The following HMGB3 variants were observed in gnomAD, a reference collection of about 807,000 sequenced individuals.
HMGB3 encodes the protein high mobility group protein B3.
A neutral mutation model predicts 12.9 loss-of-function variants in HMGB3; 1 was observed. The observed-to-expected ratio is 0.08, with a 90% CI of 0.03 to 0.37. The LOEUF is 0.37. Among genes scored for constraint, HMGB3 ranks in the 10% least tolerant of loss-of-function variants. The pLI is 0.99. For synonymous variants in HMGB3, 61 were observed against 53.9 expected (o/e 1.13, Z -0.57); for missense variants, 74 against 153.3 (o/e 0.48, Z 2.73).
At chrX:150,986,677 C>T (rs2048056459) in intron 3 of HMGB3, among the ~76,000 whole-genome samples, 1 of 111,555 alleles carries the variant, frequency 9.0e-6, no homozygotes, top group African/African-American at 3.3e-5. Flanking sequence ...GATGGAGTTT[C>T]GCTCTTGACC....
At position 150,987,232 on chromosome X, in the gene HMGB3, A is replaced by G; in HGVS notation, c.395A>G (p.Asn132Ser). 1 of 1,210,259 alleles carries G rather than the reference A, an allele frequency of 8.3e-7. No individual in the cohort carries two copies. The highest frequency in any genetic ancestry group is 1.1e-6 in the Non-Finnish European group (1 of 894,021). The change falls in exon 4 of 5, where the codon AAT (asparagine) becomes AGT (serine). Residue 132 changes from asparagine (N) to serine (S), a missense_variant. Transcript: ENST00000325307. ...DVAKKLGEMW[N>S]NLNDSEKQPY... ...GCAAAAAAGCTGGGTGAGATGTGGA[A>G]TAATTTAAATGACAGTGAAAAGCAG...
intron 2 of HMGB3, 132 bp downstream of exon 2, chrX:150,985,881 C>A: frequency 1.2e-6 from 1 of 844,457 alleles, no homozygotes; most frequent in Non-Finnish European, 1.7e-6. Flanking sequence ...TTTTGCTTGT[C>A]TTAAGAATTT....
rs925292465 is a variant in HMGB3 at position 150,989,840 on chromosome X, T to A, written c.*1926T>A. 8.9e-6 allele frequency: 1 copy of A among 111,962 alleles called. No homozygotes were observed. Among genetic ancestry groups the A allele is most frequent in the Non-Finnish European group, 1.9e-5 (1 of 53,266 alleles). 9.2% of individuals were successfully genotyped at this position (111,962 alleles called of 1,213,427 possible). On this transcript the variant is annotated 3_prime_UTR_variant, in exon 5 of 5. Transcript: ENST00000325307. ...ACTTGCATGTCTGGAGGCGGTGTCC[T>A]CTCCGCCCTGTCGGGTCCTGGATGA... is the stretch of plus-strand genomic sequence containing the variant.
chrX:150,984,617 A>T (rs2124445180), intron 1 of HMGB3: 1 of 733,190 alleles, frequency 1.4e-6, no homozygotes, highest in Non-Finnish European at 1.6e-6. Context: ...GCTTTTGACA[A>T]AATGGAAGGT....
At position 150,988,094 on chromosome X, in the gene HMGB3, A is replaced by G; in HGVS notation, c.*180A>G. 1.9e-6 allele frequency: 1 copy of G among 539,066 alleles called. No homozygotes were observed. Among genetic ancestry groups the G allele is most frequent in the East Asian group, 3.4e-5 (1 of 29,707 alleles). 44.4% of individuals were successfully genotyped at this position (539,066 alleles called of 1,213,427 possible). ...TGTCAGTGGTTTACATGAAGTGGCC[A>G]TGGGTGTCTGGAGCACCCTGAAACT... On this transcript the variant is annotated 3_prime_UTR_variant, in exon 5 of 5. Transcript: ENST00000325307.
intron 1 of HMGB3, 101 bp downstream of exon 1, chrX:150,983,477 C>T (rs1557425143): frequency 1.3e-6 from 1 of 747,312 alleles, no homozygotes; most frequent in East Asian, 1.5e-4. Context: ...CTTTCCGGCC[C>T]GCGCCGCCGT....
At position 150,988,592 on chromosome X, in the gene HMGB3, T is replaced by C. The variant is rs1557425317; in HGVS notation, c.*678T>C. The stretch of plus-strand genomic sequence containing the variant: ...TAAGTGCGGTAGTTTTTAAACTGTT[T>C]GTTTTTAAACAAACTATAGAACTCT... On this transcript the variant is annotated 3_prime_UTR_variant, in exon 5 of 5. Coordinates refer to ENST00000325307, the MANE Select transcript of HMGB3 (RefSeq NM_005342.4). The C allele has an allele frequency of 8.9e-6, 1 of 111,916 alleles. No individual in the cohort carries two copies. The highest frequency in any genetic ancestry group is 3.3e-5 in the African/African-American group (1 of 30,656). The allele number at this position is 111,916 out of a possible 1,213,427, so 9.2% of individuals were successfully genotyped here. A position where few individuals can be genotyped will look rare whatever the true frequency, so the allele number is the denominator to read the frequency against.
upstream of HMGB3, among the ~76,000 whole-genome samples, chrX:150,981,005 G>A (rs1370020993): frequency 8.9e-6 from 1 of 111,804 alleles, no homozygotes; most frequent in African/African-American, 3.3e-5. Flanking sequence ...GAAAGGCCTG[G>A]CAACCTTGAG....
At position 150,987,843 on chromosome X, in the gene HMGB3, A is replaced by G; in HGVS notation, c.532A>G (p.Lys178Glu). The G allele has an allele frequency of 8.4e-7, 1 of 1,194,778 alleles. No individual in the cohort carries two copies. The highest frequency in any genetic ancestry group is 1.1e-6 in the Non-Finnish European group (1 of 886,433). ...AAAGGGTCCTGCTAAAGTTGCCCGG[A>G]AAAAGGTGGAAGAGGAAGATGAAGA... ...GAKGPAKVAR[K>E]KVEEEDEEEE... The change falls in exon 5 of 5, where the codon AAA becomes GAA. Residue 178 changes from lysine (K) to glutamate (E), a missense_variant. Physicochemically the swap from Lys to Glu is moderately conservative, Grantham distance 56 (BLOSUM62 1). Transcript: ENST00000325307.
rs1297327207 is a variant in HMGB3 at position 150,983,659 on chromosome X, C to G, written c.-6+283C>G. 3 of 706,808 alleles carry G rather than the reference C, an allele frequency of 4.2e-6. No individual in the cohort carries two copies. The East Asian group carries it at 4.7e-4, about 112-fold the overall frequency. The allele number at this position is 706,808 out of a possible 1,213,427, so 58.2% of individuals were successfully genotyped here. A position where few individuals can be genotyped will look rare whatever the true frequency, so the allele number is the denominator to read the frequency against. On this transcript the variant is annotated intron_variant, in intron 1 of 4. Transcript: ENST00000325307. Reference sequence around the variant, plus strand: ...CGGGGGTCGGCCCCCTCGGCGGACGCCCGCCCGTGGCGGCCCCAGGGGCCG... The same window carrying G: ...CGGGGGTCGGCCCCCTCGGCGGACGGCCGCCCGTGGCGGCCCCAGGGGCCG...
At chrX:150,984,026 C>G (rs1414639971) in intron 1 of HMGB3, among the ~76,000 whole-genome samples, 3 of 101,640 alleles carry the variant, frequency 3.0e-5, no homozygotes, top group Non-Finnish European at 6.1e-5. Context: ...GGCCGCCCCC[C>G]TCTCGCCTCC....
In HMGB3 at chrX:150,988,051, T is replaced by C; in HGVS notation, c.*137T>C. ...TTGATCACGATCATATTGTAGTCTC[T>C]CAAAGTGCTCTAGAAATTGTCAGTG... On this transcript the variant is annotated 3_prime_UTR_variant, in exon 5 of 5. Transcript: ENST00000325307. 1 of 824,055 alleles carries C rather than the reference T, an allele frequency of 1.2e-6. No homozygotes were observed. Among genetic ancestry groups the C allele is most frequent in the Non-Finnish European group, 1.7e-6 (1 of 595,043 alleles). The allele number at this position is 824,055 out of a possible 1,213,427, so 67.9% of individuals were successfully genotyped here.
In HMGB3 at chrX:150,990,280, A is replaced by T. The variant is rs782698939; in HGVS notation, c.*2366A>T. The T allele has an allele frequency of 8.9e-6, 1 of 112,349 alleles. No homozygotes were observed. Among genetic ancestry groups the T allele is most frequent in the Non-Finnish European group, 1.9e-5 (1 of 53,309 alleles). The allele number at this position is 112,349 out of a possible 1,213,427, so 9.3% of individuals were successfully genotyped here. ...AACTTTTGTGCTTCCAAAGTAGCTA[A>T]GCAGAAGTGGGGGAGCAGTTTAGCC... On this transcript the variant is annotated 3_prime_UTR_variant, in exon 5 of 5. Transcript: ENST00000325307.
intron 1 of HMGB3, chrX:150,984,668 C>T: frequency 1.9e-6 from 1 of 527,898 alleles, no homozygotes; most frequent in Non-Finnish European, 2.3e-6. Context: ...GGGGCCGAGG[C>T]GGGCTGCCTG....
intron 1 of HMGB3, 110 bp downstream of exon 1, chrX:150,983,486 G>T: frequency 2.7e-6 from 2 of 740,474 alleles, no homozygotes; most frequent in Non-Finnish European, 3.2e-6. Flanking sequence ...CCGCGCCGCC[G>T]TGAGCGCGCC....
At position 150,989,616 on chromosome X, in the gene HMGB3, C is replaced by T. The variant is rs2048092170; in HGVS notation, c.*1702C>T. On this transcript the variant is annotated 3_prime_UTR_variant, in exon 5 of 5. Transcript: ENST00000325307. ...AGTAGCAAGTGGTGACACTAAATACCATTTTGAAGGCTGATGTGTATATAC... is the reference window on the plus strand; with the variant it reads ...AGTAGCAAGTGGTGACACTAAATACTATTTTGAAGGCTGATGTGTATATAC... 1 of 111,055 alleles carries T rather than the reference C, an allele frequency of 9.0e-6. No individual in the cohort carries two copies. Among genetic ancestry groups the T allele is most frequent in the South Asian group, 3.9e-4 (1 of 2,594 alleles). 9.2% of individuals were successfully genotyped at this position (111,055 alleles called of 1,213,427 possible).
rs1411355110 is a variant in HMGB3, at chrX:150,988,738, G to A, written c.*824G>A. ...ATGTTTAGAATGCTGAAATGTTTTT[G>A]AAGTTAAATAAACAGTATTACATTT... On this transcript the variant is annotated 3_prime_UTR_variant, in exon 5 of 5. Transcript: ENST00000325307. 1.8e-5 allele frequency: 2 copies of A among 111,877 alleles called. No individual in the cohort carries two copies. The highest frequency in any genetic ancestry group is 6.5e-5 in the African/African-American group (2 of 30,721). The allele number at this position is 111,877 out of a possible 1,213,427, so 9.2% of individuals were successfully genotyped here. A position where few individuals can be genotyped will look rare whatever the true frequency, so the allele number is the denominator to read the frequency against.
rs782229368 is a variant in HMGB3 at position 150,988,003 on chromosome X, C to T, written c.*89C>T. The T allele has an allele frequency of 1.3e-5, 14 of 1,068,289 alleles. No individual in the cohort carries two copies. The South Asian group carries it at 2.2e-4, about 16-fold the overall frequency. 88.0% of individuals were successfully genotyped at this position (1,068,289 alleles called of 1,213,427 possible). A position where few individuals can be genotyped will look rare whatever the true frequency, so the allele number is the denominator to read the frequency against. On this transcript the variant is annotated 3_prime_UTR_variant, in exon 5 of 5. Transcript: ENST00000325307. ...TCTTATTTGAGAAGTGTCTGTTGCC[C>T]TCATTAGGTTTAATTACAAAATTTG...
upstream of HMGB3, chrX:150,983,195 T>A: frequency 1.7e-6 from 1 of 576,107 alleles, no homozygotes; most frequent in Non-Finnish European, 2.1e-6. Context: ...CCGCGCCCAA[T>A]GGGCGTCCAC....
Sources: allele counts gnomAD v4.1 joint callset (sites outside exome capture counted in the v4.1 genomes callset), GRCh38; gene constraint gnomAD v4.1.1; transcripts MANE v1.5; gene names NCBI Gene and HGNC (gene_info 2026-07-23, HGNC 2026-07-21).